Variants in MALT1 observed in about 807,000 individuals in gnomAD.
MALT1 encodes mucosa-associated lymphoid tissue lymphoma translocation protein 1.
Under a neutral mutation model 85.5 loss-of-function variants are expected in MALT1, and 36 were observed. The ratio of observed to expected loss-of-function variants is 0.42; its 90% CI spans 0.32 to 0.56. MALT1 has a LOEUF of 0.56. MALT1 is among the 20% of genes least tolerant of loss of function. The probability of loss-of-function intolerance (pLI) is 0.10; values close to 1 mark genes in which losing one functional copy is unlikely to be tolerated. For missense variants in MALT1, 716 were observed against 981.6 expected (o/e 0.73, Z 3.62); for synonymous variants, 359 against 361.3 (o/e 0.99, Z 0.07).
chr18:58,722,950 C>T, intron 9 of MALT1, 98 bp from the exon 10 acceptor site: 2 of 726,218 alleles, frequency 2.8e-6, no homozygotes, highest in Non-Finnish European at 4.5e-6. Flanking sequence ...TGAAATAATG[C>T]AATCTTAAAG....
chr18:58,712,294 A>T (rs899674154), intron 7 of MALT1, among the ~76,000 whole-genome samples: 2 of 152,046 alleles, frequency 1.3e-5, no homozygotes, highest in Non-Finnish European at 2.9e-5. Flanking sequence ...TTATATATAT[A>T]TTTTTACCTA....
chr18:58,730,381 C>T (rs2055130587), intron 10 of MALT1, among the ~76,000 whole-genome samples: 3 of 152,320 alleles, frequency 2.0e-5, no homozygotes, highest in Admixed American at 2.0e-4. Context: ...CTATTCTGGA[C>T]ATTTCATATA....
intron 12 of MALT1, among the ~76,000 whole-genome samples, chr18:58,734,952 G>A (rs543104619): frequency 1.7e-4 from 26 of 152,234 alleles, no homozygotes; most frequent in South Asian, 8.3e-4. Flanking sequence ...TATGATGTAC[G>A]TATTCAATGT....
At chr18:58,732,718 G>A (rs1306345434) in intron 10 of MALT1, among the ~76,000 whole-genome samples, 1 of 148,798 alleles carries the variant, frequency 6.7e-6, no homozygotes, top group African/African-American at 2.6e-5. Flanking sequence ...AGAACTCCTA[G>A]CTTCATGGAG....
Position 58,748,966 on chromosome 18 carries a change from C to T in MALT1, c.*1124C>T, listed in dbSNP as rs988033961. On this transcript the variant is annotated 3_prime_UTR_variant, in exon 17 of 17. Coordinates refer to ENST00000649217, the MANE Select transcript of MALT1 (RefSeq NM_006785.4). The stretch of plus-strand genomic sequence containing the variant: ...TACTAGACTAGACATCACAAGAAAA[C>T]TATAAGCCAATATTCCTTATTAATA... The T allele has an allele frequency of 1.5e-4, 32 of 207,558 alleles. No homozygotes were observed. Among genetic ancestry groups the T allele is most frequent in the Admixed American group, 1.2e-4 (2 of 16,926 alleles). The allele number at this position is 207,558 out of a possible 1,614,324, so 12.9% of individuals were successfully genotyped here.
intron 2 of MALT1, among the ~76,000 whole-genome samples, chr18:58,694,523 A>C (rs1262688575): frequency 6.6e-6 from 1 of 152,220 alleles, no homozygotes; most frequent in Non-Finnish European, 1.5e-5. Context: ...AAGTTTTATA[A>C]GTTTTAATTA....
At chr18:58,707,207 A>G (rs572480866) in intron 4 of MALT1, among the ~76,000 whole-genome samples, 100 of 151,190 alleles carry the variant, frequency 6.6e-4, no homozygotes, top group African/African-American at 1.9e-3. Flanking sequence ...TTTTTCTTCA[A>G]TTTCTCACTG....
At chr18:58,701,361 T>C (rs1230581233) in intron 4 of MALT1, among the ~76,000 whole-genome samples, 1 of 152,226 alleles carries the variant, frequency 6.6e-6, no homozygotes, top group Non-Finnish European at 1.5e-5. Context: ...CTTCCTTCCA[T>C]CTTGAATACC....
chr18:58,717,844 G>T (rs965292982), intron 9 of MALT1, among the ~76,000 whole-genome samples: 1 of 151,126 alleles, frequency 6.6e-6, no homozygotes, highest in African/African-American at 2.4e-5. Context: ...AGATCCTCCA[G>T]ACAGACCTCA....
intron 13 of MALT1, among the ~76,000 whole-genome samples, chr18:58,736,943 T>C (rs1170548711): frequency 2.0e-5 from 3 of 152,246 alleles, no homozygotes; most frequent in Admixed American, 2.0e-4. Flanking sequence ...CCTGTCTTAG[T>C]AGTAAAGAGC....
At chr18:58,710,835 A>C (rs1433935333) in intron 6 of MALT1, 86 bp from the exon 7 acceptor site, 1 of 811,650 alleles carries the variant, frequency 1.2e-6, no homozygotes, top group Non-Finnish European at 2.1e-6. Flanking sequence ...CATTATCTCT[A>C]TGATATTGAT....
chr18:58,709,362 T>C lies in MALT1; in HGVS notation c.650-16T>C. The C allele has an allele frequency of 1.3e-6, 2 of 1,520,208 alleles. No individual in the cohort carries two copies. Among genetic ancestry groups the C allele is most frequent in the Non-Finnish European group, 1.8e-6 (2 of 1,129,776 alleles). 94.2% of individuals were successfully genotyped at this position (1,520,208 alleles called of 1,614,324 possible). A position where few individuals can be genotyped will look rare whatever the true frequency, so the allele number is the denominator to read the frequency against. On this transcript the variant is annotated splice_polypyrimidine_tract_variant and intron_variant, in intron 4 of 16. Transcript: ENST00000649217. ...TATTTTTAACCTAGAGATTTTATTT[T>C]TTCTTTTAATTTAAGGAAGTGTTGA...
At chr18:58,723,364 A>G (rs1292908047) in intron 10 of MALT1, 113 bp downstream of exon 10, 2 of 682,176 alleles carry the variant, frequency 2.9e-6, no homozygotes, top group Admixed American at 6.6e-5. Flanking sequence ...TGTTGAATGG[A>G]AGAGTTTTAT....
At chr18:58,692,022 C>T (rs1174757142) in intron 2 of MALT1, 2 of 115,236 alleles carry the variant, frequency 1.7e-5, no homozygotes, top group Non-Finnish European at 3.3e-5. Context: ...CCAGTCTGGG[C>T]GACGGAGCGA....
intron 2 of MALT1, among the ~76,000 whole-genome samples, chr18:58,694,747 C>T (rs1353540290): frequency 6.6e-6 from 1 of 152,210 alleles, no homozygotes; most frequent in African/African-American, 2.4e-5. Context: ...CTGGGTAGTC[C>T]TGGCTGAGGG....
In MALT1 at chr18:58,709,491, A is replaced by G. The variant is rs2054802372; in HGVS notation, c.763A>G (p.Ile255Val). 7 of 1,613,458 alleles carry G rather than the reference A, an allele frequency of 4.3e-6. No individual in the cohort carries two copies. The highest frequency in any genetic ancestry group is 5.9e-6 in the Non-Finnish European group (7 of 1,179,726). ...VLQCVAVGSP[I>V]PHYQWFKNEL... ...ACAGTGTGTTGCTGTTGGAAGCCCT[A>G]TTCCTCACTACCAGTGGTTCAAAAA... The change falls in exon 5 of 17, where the codon ATT becomes GTT. Residue 255 changes from isoleucine to valine, a missense_variant. Around this residue, in one of 4 missense-constraint regions of MALT1, gnomAD observed 290 missense variants for 380.5 expected, o/e 0.76. Transcript: ENST00000649217.
chr18:58,733,219 A>G (rs1568150997), intron 10 of MALT1, among the ~76,000 whole-genome samples, 178 bp from the exon 11 acceptor site: 1 of 152,198 alleles, frequency 6.6e-6, no homozygotes, highest in African/African-American at 2.4e-5. Flanking sequence ...CCTGTTGCCA[A>G]TAATTTTAAA....
intron 15 of MALT1, among the ~76,000 whole-genome samples, chr18:58,745,383 A>G (rs1034777496): frequency 1.3e-5 from 2 of 152,240 alleles, no homozygotes; most frequent in Non-Finnish European, 2.9e-5. Context: ...GCTTAAGAGG[A>G]AACTTGAGTA....
intron 9 of MALT1, among the ~76,000 whole-genome samples, chr18:58,717,566 G>A (rs964634546): frequency 6.6e-6 from 1 of 151,680 alleles, no homozygotes; most frequent in East Asian, 1.9e-4. Flanking sequence ...TGCTTTTTCT[G>A]TAGCAGATCT....
Sources: allele counts gnomAD v4.1 joint callset (sites outside exome capture counted in the v4.1 genomes callset), GRCh38; gene constraint gnomAD v4.1.1; regional missense constraint gnomAD v4.1.1; transcripts MANE v1.5; gene names NCBI Gene and HGNC (gene_info 2026-07-23, HGNC 2026-07-21).